WWOX: variants seen among roughly 807,000 people sequenced by gnomAD.
The protein encoded by WWOX is WW domain-containing oxidoreductase.
In WWOX, 69 loss-of-function variants were observed where a neutral mutation model predicts 46.2. That is an observed-to-expected ratio of 1.49 (90% CI 1.23 to 1.82). The LOEUF (loss-of-function observed/expected upper bound fraction) is 1.82, where lower values mean the gene tolerates loss of function less well. Among genes scored for constraint, WWOX ranks in the 40% most tolerant of loss-of-function variants. The pLI, the probability that WWOX is intolerant of heterozygous loss-of-function variation, is 0.00. For missense variants in WWOX, 919 were observed against 542.6 expected (o/e 1.69, Z -6.89); for synonymous variants, 359 against 202.6 (o/e 1.77, Z -6.56).
intron 4 of WWOX, among the ~76,000 whole-genome samples, chr16:78,121,009 G>C (rs968616286): frequency 6.6e-6 from 1 of 151,322 alleles, no homozygotes; most frequent in African/African-American, 2.4e-5. Context: ...TATTCCAAAA[G>C]GTCCCATAAA....
At chr16:78,405,250 G>C (rs1344017275) in intron 6 of WWOX, among the ~76,000 whole-genome samples, 1 of 152,154 alleles carries the variant, frequency 6.6e-6, no homozygotes, top group Non-Finnish European at 1.5e-5. Flanking sequence ...GTGGTCTCCA[G>C]GGGACACAGC....
At chr16:78,952,909 A>C (rs891184690) in intron 8 of WWOX, among the ~76,000 whole-genome samples, 1 of 152,226 alleles carries the variant, frequency 6.6e-6, no homozygotes, top group Admixed American at 6.5e-5. Flanking sequence ...AACAGGAATC[A>C]AAGGGAAACC....
intron 8 of WWOX, among the ~76,000 whole-genome samples, chr16:78,914,135 C>T (rs1023517365): frequency 6.6e-6 from 1 of 152,064 alleles, no homozygotes; most frequent in African/African-American, 2.4e-5. Flanking sequence ...CCTGGCTATC[C>T]TGTCCAAAGT....
chr16:78,213,197 G>A (rs1219992003), intron 5 of WWOX, among the ~76,000 whole-genome samples: 2 of 148,192 alleles, frequency 1.3e-5, no homozygotes, highest in South Asian at 2.2e-4. Context: ...GCTGCAGAGA[G>A]CTGAGATCAT....
rs185652643 is a variant in WWOX at position 79,188,341 on chromosome 16, C to T, written c.1057-23267C>T. ...TTTAGACACAGCTTTGAGTCGTGACCGGTGTGGCCAAGACCTATTTCCCTT... is the reference window on the plus strand; with the variant it reads ...TTTAGACACAGCTTTGAGTCGTGACTGGTGTGGCCAAGACCTATTTCCCTT... On this transcript the variant is annotated intron_variant, in intron 8 of 8. Transcript: ENST00000566780. Among the ~76,000 whole-genome samples, 13 of 152,098 alleles carry T rather than the reference C, an allele frequency of 8.5e-5. No individual in the cohort carries two copies. In the South Asian group the frequency reaches 2.1e-3, roughly 24 times the overall value.
intron 5 of WWOX, among the ~76,000 whole-genome samples, chr16:78,188,914 T>G (rs893403463): frequency 2.6e-5 from 4 of 152,200 alleles, no homozygotes; most frequent in Non-Finnish European, 5.9e-5. Flanking sequence ...GATCAGACTC[T>G]GCTTTAAAGT....
chr16:79,174,123 GA>G (rs2050754284), intron 8 of WWOX, among the ~76,000 whole-genome samples: 1 of 152,190 alleles, frequency 6.6e-6, no homozygotes, highest in South Asian at 2.1e-4. Flanking sequence ...TTTGTAGAGT[GA>G]AAGGTCCTGA....
chr16:78,400,621 AGGAG>A (rs913701656), intron 6 of WWOX, among the ~76,000 whole-genome samples: 1 of 152,086 alleles, frequency 6.6e-6, no homozygotes, highest in Non-Finnish European at 1.5e-5. Flanking sequence ...TACCATCCTA[AGGAG>A]GGAGGGAGGG....
chr16:78,779,205 C>T (rs2050265876), intron 8 of WWOX, among the ~76,000 whole-genome samples: 1 of 152,186 alleles, frequency 6.6e-6, no homozygotes, highest in African/African-American at 2.4e-5. Flanking sequence ...AGTGCAGTGG[C>T]ATGATCTTGG....
chr16:78,825,990 C>T (rs1567586860), intron 8 of WWOX: 1 of 730,878 alleles, frequency 1.4e-6, no homozygotes, highest in African/African-American at 1.8e-5. Flanking sequence ...ATGCCCCAGC[C>T]AGTCCCCATA....
At chr16:78,681,786 A>G (rs988727139) in intron 8 of WWOX, among the ~76,000 whole-genome samples, 19 of 152,168 alleles carry the variant, frequency 1.2e-4, no homozygotes, top group Non-Finnish European at 2.1e-4. Context: ...CGTACTATCT[A>G]TTTGGCCTTG....
chr16:78,494,750 G>T (rs989185057), intron 8 of WWOX, among the ~76,000 whole-genome samples: 2 of 152,110 alleles, frequency 1.3e-5, no homozygotes, highest in Non-Finnish European at 2.9e-5. Context: ...CACATTGAGC[G>T]TTTTGTCAAT....
intron 8 of WWOX, among the ~76,000 whole-genome samples, chr16:78,818,166 C>G (rs934891167): frequency 4.6e-5 from 7 of 152,206 alleles, no homozygotes; most frequent in Non-Finnish European, 8.8e-5. Flanking sequence ...AGGATGTGCC[C>G]TTGCAGAAGG....
intron 8 of WWOX, among the ~76,000 whole-genome samples, chr16:78,988,728 C>T (rs1597243461): frequency 6.6e-6 from 1 of 152,138 alleles, no homozygotes; most frequent in Non-Finnish European, 1.5e-5. Context: ...TGGGAGATTC[C>T]TGCATAGCTG....
At chr16:78,885,703 C>T (rs1453130753) in intron 8 of WWOX, among the ~76,000 whole-genome samples, 1 of 151,972 alleles carries the variant, frequency 6.6e-6, no homozygotes, top group Non-Finnish European at 1.5e-5. Context: ...TAACTCAATA[C>T]ATTAATATCT....
intron 8 of WWOX, among the ~76,000 whole-genome samples, chr16:78,672,581 C>G (rs913775143): frequency 2.0e-5 from 3 of 152,146 alleles, no homozygotes; most frequent in Non-Finnish European, 4.4e-5. Context: ...CAAACTGTGC[C>G]TAAATTGCCT....
At chr16:78,902,841 C>A (rs546044031) in intron 8 of WWOX, among the ~76,000 whole-genome samples, 38 of 152,294 alleles carry the variant, frequency 2.5e-4, no homozygotes, top group Middle Eastern at 3.4e-3. Context: ...TTTTTGCCCC[C>A]CTCCAGTTTT....
intron 8 of WWOX, among the ~76,000 whole-genome samples, chr16:79,108,583 C>A (rs2049354942): frequency 6.6e-6 from 1 of 152,204 alleles, no homozygotes. Context: ...CTATTTTCAT[C>A]ATCAAGAAAA....
chr16:78,930,642 T>C (rs1206317124), intron 8 of WWOX, among the ~76,000 whole-genome samples: 2 of 151,464 alleles, frequency 1.3e-5, no homozygotes, highest in African/African-American at 4.9e-5. Flanking sequence ...GAAGGCACCA[T>C]TATTTGGGTT....
Sources: gnomAD v4.1 joint callset for allele counts (sites outside exome capture counted in the v4.1 genomes callset) on GRCh38, gnomAD v4.1.1 for gene constraint, MANE v1.5 for transcripts, NCBI Gene and HGNC (gene_info 2026-07-23, HGNC 2026-07-21) for gene names.